Variants in EPHB1 observed in about 807,000 individuals in gnomAD.
EPHB1 encodes the protein ephrin type-B receptor 1.
Under a neutral mutation model 94.4 loss-of-function variants are expected in EPHB1, and 30 were observed. The observed-to-expected ratio is 0.32, with a 90% CI of 0.24 to 0.43. The LOEUF (loss-of-function observed/expected upper bound fraction) is 0.43. EPHB1 is among the 20% of genes least tolerant of loss of function. The probability of loss-of-function intolerance (pLI) is 1.00; values close to 1 mark genes in which losing one functional copy is unlikely to be tolerated. For missense variants in EPHB1, 1,055 were observed against 1,308.3 expected, an observed-to-expected ratio of 0.81 and a Z score of 2.99; for synonymous variants, 522 against 489.1, an observed-to-expected ratio of 1.07 and a Z score of -0.89.
At chr3:134,916,664 C>T (rs1008767119) in intron 1 of EPHB1, among the ~76,000 whole-genome samples, 10 of 152,196 alleles carry the variant, frequency 6.6e-5, no homozygotes, top group African/African-American at 1.2e-4. Flanking sequence ...GTGTGGGGCC[C>T]GCTGAGCCCA....
At chr3:135,210,599 A>G (rs564525809) in intron 12 of EPHB1, among the ~76,000 whole-genome samples, 83 of 152,326 alleles carry the variant, frequency 5.4e-4, no homozygotes, top group African/African-American at 2.0e-3. Context: ...ATTAAGAAAT[A>G]AGAATTTGCC....
At chr3:134,948,843 G>A (rs996300442) in intron 2 of EPHB1, among the ~76,000 whole-genome samples, 6 of 152,254 alleles carry the variant, frequency 3.9e-5, no homozygotes, top group Admixed American at 6.5e-5. Context: ...TACCTGTTGC[G>A]TGGAGGATGG....
At chr3:135,248,619 T>G in intron 14 of EPHB1, 110 bp downstream of exon 14, 1 of 1,114,876 alleles carries the variant, frequency 9.0e-7, no homozygotes, top group Non-Finnish European at 1.3e-6. Context: ...AGTATCTAGT[T>G]GCAGTGTGGG....
chr3:134,946,751 A>G (rs936931820), intron 2 of EPHB1, among the ~76,000 whole-genome samples: 3 of 151,268 alleles, frequency 2.0e-5, no homozygotes, highest in Non-Finnish European at 2.9e-5. Flanking sequence ...AGAACCTGGC[A>G]TCTCTCTTGC....
chr3:134,856,827 G>A (rs1241999632), intron 1 of EPHB1, among the ~76,000 whole-genome samples: 4 of 152,182 alleles, frequency 2.6e-5, no homozygotes, highest in Non-Finnish European at 4.4e-5. Context: ...TTTTATTGAT[G>A]TGACTAAAAA....
Position 135,254,508 on chromosome 3 carries a change from GATTAC to G in EPHB1, c.2847-4500_2847-4496del, listed in dbSNP as rs941285356. 2.7e-5 allele frequency among the ~76,000 whole-genome samples: 4 copies of G among 149,272 alleles called. No homozygotes were observed. The Admixed American group carries it at 2.7e-4, about 10-fold the overall frequency. ...TGTCTTTGGCTCTGTTTATATGCTG[GATTAC>G]ATTTATTGATTTGCGTATATTGAAC... On this transcript the variant is annotated intron_variant, in intron 15 of 15. Transcript: ENST00000398015.
intron 5 of EPHB1, among the ~76,000 whole-genome samples, chr3:135,139,447 G>A (rs1940741492): frequency 6.6e-6 from 1 of 152,218 alleles, no homozygotes; most frequent in Non-Finnish European, 1.5e-5. Context: ...ACTGGCTCAA[G>A]GGTACTGCTT....
intron 2 of EPHB1, among the ~76,000 whole-genome samples, chr3:134,940,261 T>A (rs182026005): frequency 3.7e-4 from 57 of 152,316 alleles, no homozygotes; most frequent in African/African-American, 1.3e-3. Context: ...ATGATCATAA[T>A]AATAATGTTA....
chr3:134,825,908 T>G (rs1175629120), intron 1 of EPHB1, among the ~76,000 whole-genome samples: 1 of 152,144 alleles, frequency 6.6e-6, no homozygotes, highest in Non-Finnish European at 1.5e-5. Flanking sequence ...ATATCTGCAT[T>G]GTTTTTCTAC....
At chr3:135,154,049 T>G in intron 5 of EPHB1, 103 bp from the exon 6 acceptor site, 1 of 1,494,902 alleles carries the variant, frequency 6.7e-7, no homozygotes, top group Non-Finnish European at 9.1e-7. Flanking sequence ...AGGAGCAGAG[T>G]TCAAGCCGAA....
At chr3:135,254,379 AT>A in intron 15 of EPHB1, among the ~76,000 whole-genome samples, 1 of 82,328 alleles carries the variant, frequency 1.2e-5, no homozygotes. Context: ...TTATTTTGAA[AT>A]ACGTCCCATC....
chr3:134,918,873 T>C (rs1284210487), intron 1 of EPHB1, among the ~76,000 whole-genome samples: 1 of 152,218 alleles, frequency 6.6e-6, no homozygotes, highest in Non-Finnish European at 1.5e-5. Context: ...AGTGAAGTTA[T>C]TAGGTGGTCA....
intron 15 of EPHB1, among the ~76,000 whole-genome samples, chr3:135,252,484 C>CGAT (rs1198068499): frequency 6.7e-6 from 1 of 148,864 alleles, no homozygotes; most frequent in Admixed American, 6.7e-5. Flanking sequence ...TTTGTTCTCC[C>CGAT]GATAGTTTAC....
chr3:134,891,829 C>T (rs1198893990), intron 1 of EPHB1, among the ~76,000 whole-genome samples: 1 of 152,182 alleles, frequency 6.6e-6, no homozygotes, highest in African/African-American at 2.4e-5. Context: ...TAGAGCCCTC[C>T]TTACAGCTTC....
At chr3:135,020,221 G>A (rs987477153) in intron 3 of EPHB1, among the ~76,000 whole-genome samples, 3 of 152,022 alleles carry the variant, frequency 2.0e-5, no homozygotes, top group East Asian at 1.9e-4. Flanking sequence ...ATTTCTTCCC[G>A]TTGGTTATTT....
At chr3:135,096,090 A>C (rs763109167) in intron 3 of EPHB1, among the ~76,000 whole-genome samples, 1 of 152,252 alleles carries the variant, frequency 6.6e-6, no homozygotes, top group Non-Finnish European at 1.5e-5. Context: ...ATAGGTGGTC[A>C]ATAAATACTT....
At chr3:135,012,532 A>G (rs1935655019) in intron 3 of EPHB1, among the ~76,000 whole-genome samples, 1 of 152,268 alleles carries the variant, frequency 6.6e-6, no homozygotes, top group Non-Finnish European at 1.5e-5. Context: ...ACCTAGAGAC[A>G]TGACAGAGGA....
At chr3:134,892,940 C>T (rs760685367) in intron 1 of EPHB1, among the ~76,000 whole-genome samples, 4 of 152,146 alleles carry the variant, frequency 2.6e-5, no homozygotes, top group Admixed American at 2.0e-4. Flanking sequence ...ACCATTTGCT[C>T]GGACTGGGTC....
chr3:134,972,285 G>A (rs1933999450), intron 3 of EPHB1, among the ~76,000 whole-genome samples: 2 of 151,028 alleles, frequency 1.3e-5, no homozygotes, highest in African/African-American at 4.9e-5. Flanking sequence ...CTTCTTAACT[G>A]TACAGAGAGC....
Sources: gnomAD v4.1 joint callset for allele counts (sites outside exome capture counted in the v4.1 genomes callset) on GRCh38, gnomAD v4.1.1 for gene constraint, MANE v1.5 for transcripts, NCBI Gene and HGNC (gene_info 2026-07-23, HGNC 2026-07-21) for gene names.